CADM4: variants seen among roughly 807,000 people sequenced by gnomAD.
CADM4 encodes TSLC1-like 2.
CADM4 carries 13 observed loss-of-function variants against 43.9 expected under a neutral mutation model. That is an observed-to-expected ratio of 0.30 (90% confidence interval 0.19 to 0.47). The LOEUF (loss-of-function observed/expected upper bound fraction) is 0.47. Ranked by LOEUF, CADM4 falls within the 20% of genes least tolerant of loss-of-function variation. CADM4 has a pLI of 1.00. For missense variants in CADM4, 420 were observed against 527.0 expected (o/e 0.80, Z 1.99); for synonymous variants, 209 against 220.9 (o/e 0.95, Z 0.48).
At chr19:43,634,684 TG>T (rs1973676340) in intron 1 of CADM4, among the ~76,000 whole-genome samples, 1 of 151,962 alleles carries the variant, frequency 6.6e-6, no homozygotes, top group African/African-American at 2.4e-5. Flanking sequence ...TAAACTGTGT[TG>T]ACAGCCAGGA....
chr19:43,635,469 C>T (rs1271271887), intron 1 of CADM4, among the ~76,000 whole-genome samples: 1 of 151,512 alleles, frequency 6.6e-6, no homozygotes, highest in Non-Finnish European at 1.5e-5. Context: ...CAGTGGAATC[C>T]CCCGCCTCCA....
chr19:43,633,923 T>C (rs1162372322), intron 1 of CADM4, among the ~76,000 whole-genome samples: 1 of 151,990 alleles, frequency 6.6e-6, no homozygotes, highest in Non-Finnish European at 1.5e-5. Context: ...CTTGAACTCC[T>C]AGGCTCAAGC....
upstream of CADM4, among the ~76,000 whole-genome samples, chr19:43,641,722 C>T (rs907839641): frequency 6.6e-6 from 1 of 152,246 alleles, no homozygotes; most frequent in Admixed American, 6.5e-5. Flanking sequence ...CAGTCCTCAG[C>T]TTCCCAGCTT....
rs757864919 is a variant in CADM4, at chr19:43,625,028, GC to G, written c.928+49del. 37 of 334,174 alleles carry G rather than the reference GC, an allele frequency of 1.1e-4. No homozygotes were observed. In the African/African-American group the frequency reaches 1.3e-3, roughly 12 times the overall value. The allele number at this position is 334,174 out of a possible 1,614,324, so 20.7% of individuals were successfully genotyped here. A position where few individuals can be genotyped will look rare whatever the true frequency, so the allele number is the denominator to read the frequency against. On this transcript the variant is annotated intron_variant, in intron 7 of 8. Transcript: ENST00000222374. This position sits in a 1 kb window ranked among gnomAD's most constrained non-coding sequence, Gnocchi z 4.5. ...GCCTCTTTGCTCAAGCCCCGCCCCC[GC>G]CACCTGGCGCCCCGCCCCCGCCCTC...
In CADM4 at chr19:43,626,696, GA is replaced by G; in HGVS notation, c.499+87del. 6.9e-7 allele frequency: 1 copy of G among 1,459,000 alleles called. No homozygotes were observed. The highest frequency in any genetic ancestry group is 1.4e-5 in the South Asian group (1 of 69,812). The allele number at this position is 1,459,000 out of a possible 1,614,324, so 90.4% of individuals were successfully genotyped here. A position where few individuals can be genotyped will look rare whatever the true frequency, so the allele number is the denominator to read the frequency against. On this transcript the variant is annotated intron_variant, in intron 4 of 8. Coordinates refer to ENST00000222374, the MANE Select transcript of CADM4 (RefSeq NM_145296.2). The surrounding 1 kb of genome is among the most constrained non-coding windows in gnomAD (Gnocchi z 5.9). ...TACATATTGAATGTCCAGTGTCTGT[GA>G]AAACCTGTGGCTCCTCTCCACATAT...
At position 43,627,840 on chromosome 19, in the gene CADM4, A is replaced by T; in HGVS notation, c.65-50T>A. On this transcript the variant is annotated intron_variant, in intron 1 of 8. Transcript: ENST00000222374. This position sits in a 1 kb window ranked among gnomAD's most constrained non-coding sequence, Gnocchi z 4.0. ...GATAGAAGACTTACTGAGAGCTGCA[A>T]TTCAATTTTTTCTTTCTCCCTCTTC... 6.4e-7 allele frequency: 1 copy of T among 1,563,748 alleles called. No individual in the cohort carries two copies. Among genetic ancestry groups the T allele is most frequent in the Non-Finnish European group, 8.7e-7 (1 of 1,143,498 alleles).
chr19:43,639,851 G>T (rs963789261), upstream of CADM4: 1,673 of 975,188 alleles, frequency 1.7e-3, 16 homozygotes, highest in African/African-American at 0.028. Context: ...CGCCCGCGCC[G>T]CCCGCCCCGC....
At position 43,639,764 on chromosome 19, in the gene CADM4, C is replaced by T; in HGVS notation, c.27G>A (p.Trp9Ter). The T allele has an allele frequency of 9.7e-7, 1 of 1,026,660 alleles. No homozygotes were observed. Among genetic ancestry groups the T allele is most frequent in the Non-Finnish European group, 1.2e-6 (1 of 854,600 alleles). The allele number at this position is 1,026,660 out of a possible 1,614,324, so 63.6% of individuals were successfully genotyped here. A position where few individuals can be genotyped will look rare whatever the true frequency, so the allele number is the denominator to read the frequency against. Residue 9 changes from tryptophan (W) to a stop codon, truncating the protein, a stop_gained, in exon 1 of 9, where the codon TGG becomes TGA. Coordinates refer to ENST00000222374, the MANE Select transcript of CADM4 (RefSeq NM_145296.2). LOFTEE classifies it high-confidence loss of function. Reference protein sequence around the residue: MGRARRFQWPLLLLWAAAA... With the variant: MGRARRFQ ...CGGCCGCCCACAGCAGCAGCAGCGGCCACTGGAAGCGCCGGGCCCGGCCCA... is the reference window on the plus strand; with the variant it reads ...CGGCCGCCCACAGCAGCAGCAGCGGTCACTGGAAGCGCCGGGCCCGGCCCA...
chr19:43,639,739 C>T lies in CADM4; in HGVS notation c.52G>A (p.Ala18Thr), dbSNP rs1973749366. 1.4e-5 allele frequency: 14 copies of T among 1,014,144 alleles called. No homozygotes were observed. Among genetic ancestry groups the T allele is most frequent in the Non-Finnish European group, 1.7e-5 (14 of 847,096 alleles). 62.8% of individuals were successfully genotyped at this position (1,014,144 alleles called of 1,614,324 possible). The part of the protein sequence containing the change: ...QWPLLLLWAA[A>T]AGPGAGQEVQ... Reference sequence around the variant, plus strand: ...CCCCCGACCCTACCTGGCCCCGCCGCGGCCGCCCACAGCAGCAGCAGCGGC... The same window carrying T: ...CCCCCGACCCTACCTGGCCCCGCCGTGGCCGCCCACAGCAGCAGCAGCGGC... The change falls in exon 1 of 9, where the codon GCG becomes ACG. Residue 18 changes from alanine (A) to threonine (T), a missense_variant. Ala to Thr is a moderately conservative substitution (Grantham distance 58, BLOSUM62 0). Coordinates refer to ENST00000222374, the MANE Select transcript of CADM4 (RefSeq NM_145296.2).
chr19:43,628,760 A>C (rs1296924501), intron 1 of CADM4, among the ~76,000 whole-genome samples: 1 of 152,230 alleles, frequency 6.6e-6, no homozygotes, highest in Admixed American at 6.5e-5. Context: ...TTGCATGAAG[A>C]TACCCAGACT....
intron 1 of CADM4, among the ~76,000 whole-genome samples, chr19:43,634,832 C>A (rs1374807648): frequency 6.6e-6 from 1 of 151,786 alleles, no homozygotes; most frequent in Non-Finnish European, 1.5e-5. Flanking sequence ...AGGCTCCCAG[C>A]CCCTCCTCCA....
At chr19:43,634,102 G>A (rs967212448) in intron 1 of CADM4, among the ~76,000 whole-genome samples, 1 of 152,120 alleles carries the variant, frequency 6.6e-6, no homozygotes, top group South Asian at 2.1e-4. Flanking sequence ...TGACCTGTGG[G>A]CAAGTGACCT....
intron 1 of CADM4, among the ~76,000 whole-genome samples, chr19:43,633,929 C>T (rs1973665780): frequency 6.6e-6 from 1 of 151,612 alleles, no homozygotes; most frequent in Non-Finnish European, 1.5e-5. Context: ...CTCCTAGGCT[C>T]AAGCAATCCC....
At position 43,627,697 on chromosome 19, in the gene CADM4, A is replaced by G; in HGVS notation, c.158T>C (p.Ile53Thr). 5 of 1,614,052 alleles carry G rather than the reference A, an allele frequency of 3.1e-6. No individual in the cohort carries two copies. Among genetic ancestry groups the G allele is most frequent in the Non-Finnish European group, 4.2e-6 (5 of 1,179,996 alleles). The change falls in exon 2 of 9, where the codon ATA (isoleucine) becomes ACA (threonine). Residue 53 changes from isoleucine (I) to threonine (T), a missense_variant. Physicochemically the swap from Ile to Thr is moderately conservative, Grantham distance 89. Transcript: ENST00000222374. This position sits in a 1 kb window ranked among gnomAD's most constrained non-coding sequence, Gnocchi z 4.0. ...TCRLHQYDGS[I>T]VVIQNPARQT... ...CCGGGCTGGGTTCTGGATGACAACTATGGACCCATCATACTGGTGCAGACG... is the reference window on the plus strand; with the variant it reads ...CCGGGCTGGGTTCTGGATGACAACTGTGGACCCATCATACTGGTGCAGACG...
At chr19:43,636,456 GC>G (rs1237893622) in intron 1 of CADM4, among the ~76,000 whole-genome samples, 1 of 152,112 alleles carries the variant, frequency 6.6e-6, no homozygotes, top group Admixed American at 6.5e-5. Context: ...CTCAGCACCT[GC>G]CCCTTGCCCC....
chr19:43,626,330 C>CTCCA lies in CADM4; in HGVS notation c.500-46_500-43dup, dbSNP rs1973527501. ...AGACACTGTCAGGCCACAATTCCGG[C>CTCCA]TCCATCCACCCACCCACCCGAGCCA... is the stretch of plus-strand genomic sequence containing the variant. On this transcript the variant is annotated intron_variant, in intron 4 of 8. Coordinates refer to ENST00000222374, the MANE Select transcript of CADM4 (RefSeq NM_145296.2). The surrounding 1 kb of genome is among the most constrained non-coding windows in gnomAD (Gnocchi z 5.9). 1 of 1,595,810 alleles carries CTCCA rather than the reference C, an allele frequency of 6.3e-7. No individual in the cohort carries two copies. Among genetic ancestry groups the CTCCA allele is most frequent in the African/African-American group, 1.3e-5 (1 of 74,712 alleles).
Position 43,626,281 on chromosome 19 carries a change from G to T in CADM4, c.507C>A (p.Ser169Arg). 6.2e-7 allele frequency: 1 copy of T among 1,610,640 alleles called. No individual in the cohort carries two copies. Reference protein sequence around the residue: ...YRDRKELKGVSSSQENGKVWS... With the variant: ...YRDRKELKGVRSSQENGKVWS... ...AGACCTTGCCATTTTCCTGGCTGCT[G>T]CTCACTCCTGCCACACCCCGGTCAG... Residue 169 changes from serine to arginine, a missense_variant, in exon 5 of 9, where the codon AGC becomes AGA. Physicochemically the swap from Ser to Arg is moderately radical, Grantham distance 110. Transcript: ENST00000222374. The surrounding 1 kb of genome is among the most constrained non-coding windows in gnomAD (Gnocchi z 5.9).
chr19:43,630,286 T>TTTC (rs1555776961), intron 1 of CADM4, among the ~76,000 whole-genome samples: 5 of 136,284 alleles, frequency 3.7e-5, no homozygotes, highest in Non-Finnish European at 6.2e-5. Context: ...CTTTTCTTTT[T>TTTC]TTTTTTTTTT....
At chr19:43,632,119 T>C (rs1430767050) in intron 1 of CADM4, among the ~76,000 whole-genome samples, 2 of 152,132 alleles carry the variant, frequency 1.3e-5, no homozygotes, top group African/African-American at 4.8e-5. Context: ...CCTCCCCAAA[T>C]TTTCTCAATC....
Sources: gnomAD v4.1 joint callset for allele counts (sites outside exome capture counted in the v4.1 genomes callset) on GRCh38, gnomAD v4.1.1 for gene constraint, Gnocchi (gnomAD v3.1) non-coding constraint, MANE v1.5 for transcripts, NCBI Gene and HGNC (gene_info 2026-07-23, HGNC 2026-07-21) for gene names.